Variants in PPFIBP1 observed in about 807,000 individuals in gnomAD.
PPFIBP1 encodes the protein liprin-beta-1.
Under a neutral mutation model 137.8 loss-of-function variants are expected in PPFIBP1, and 112 were observed. That is an observed-to-expected ratio of 0.81 (90% CI 0.70 to 0.95). The LOEUF (loss-of-function observed/expected upper bound fraction) is 0.95, where lower values mean the gene tolerates loss of function less well. Among genes scored for constraint, PPFIBP1 ranks in the 40% least tolerant of loss-of-function variants. The pLI, the probability that PPFIBP1 is intolerant of heterozygous loss-of-function variation, is 0.00. For missense variants in PPFIBP1, 1,083 were observed against 1,196.6 expected (o/e 0.91, Z 1.40); for synonymous variants, 378 against 417.3 (o/e 0.91, Z 1.15).
chr12:27,527,330 C>T (rs578199196), intron 1 of PPFIBP1, among the ~76,000 whole-genome samples: 1 of 151,894 alleles, frequency 6.6e-6, no homozygotes, highest in Admixed American at 6.6e-5. Flanking sequence ...CTCACTGTAG[C>T]CTCTGCCTCC....
intron 1 of PPFIBP1, among the ~76,000 whole-genome samples, chr12:27,556,454 C>G (rs2048711628): frequency 1.3e-5 from 2 of 152,138 alleles, no homozygotes; most frequent in Admixed American, 1.3e-4. Flanking sequence ...AAAAGGCTAA[C>G]TGTTGTGGAC....
At chr12:27,555,425 A>G (rs2048630661) in intron 1 of PPFIBP1, among the ~76,000 whole-genome samples, 1 of 152,150 alleles carries the variant, frequency 6.6e-6, no homozygotes, top group African/African-American at 2.4e-5. Context: ...TAGATTCCTT[A>G]TTCCTTTATT....
At position 27,681,654 on chromosome 12, in the gene PPFIBP1, T is replaced by C; in HGVS notation, c.2004T>C (p.Ser668=). The change falls in exon 22 of 30, where the codon TCT becomes TCC. Residue 668 remains serine, a synonymous_variant. Coordinates refer to ENST00000228425, the MANE Select transcript of PPFIBP1 (RefSeq NM_003622.4). The stretch of plus-strand genomic sequence containing the variant: ...ATTCTGGCAAGCACTGGATTGCATC[T>C]GGCCAAACGCTTTTGCAGGCTTCTC... The part of the protein sequence containing the change: ...YLNSGKHWIA[S]GQTLLQASQQ... The C allele has an allele frequency of 1.2e-6, 2 of 1,614,212 alleles. No homozygotes were observed. Among genetic ancestry groups the C allele is most frequent in the South Asian group, 2.2e-5 (2 of 91,086 alleles).
chr12:27,642,841 C>G (rs929584040), intron 4 of PPFIBP1, among the ~76,000 whole-genome samples: 1 of 151,848 alleles, frequency 6.6e-6, no homozygotes, highest in Admixed American at 6.6e-5. Context: ...AACAGGAAAT[C>G]AAGGTTCCAA....
chr12:27,555,369 T>C (rs1431320784), intron 1 of PPFIBP1, among the ~76,000 whole-genome samples: 4 of 152,240 alleles, frequency 2.6e-5, no homozygotes, highest in Admixed American at 2.6e-4. Flanking sequence ...TTTCTCTAAA[T>C]GTGGCTTTTC....
At chr12:27,595,794 C>T (rs1273626706) in intron 2 of PPFIBP1, among the ~76,000 whole-genome samples, 2 of 151,062 alleles carry the variant, frequency 1.3e-5, no homozygotes, top group Non-Finnish European at 2.9e-5. Flanking sequence ...GCAGAGGTTG[C>T]GGTGAGCGGA....
chr12:27,661,550 A>C (rs2059552032), intron 11 of PPFIBP1, among the ~76,000 whole-genome samples: 1 of 152,234 alleles, frequency 6.6e-6, no homozygotes, highest in Non-Finnish European at 1.5e-5. Flanking sequence ...CAGTTACTGC[A>C]CGAAAGTAAT....
intron 12 of PPFIBP1, 41 bp downstream of exon 12, chr12:27,664,487 C>CT (rs2059738548): frequency 7.3e-7 from 1 of 1,361,846 alleles, no homozygotes; most frequent in Admixed American, 1.7e-5. Flanking sequence ...TTGGTTGACT[C>CT]TAAGTGGCTA....
At chr12:27,592,809 T>C (rs2052681728) in intron 2 of PPFIBP1, 3 of 665,580 alleles carry the variant, frequency 4.5e-6, no homozygotes, top group Middle Eastern at 3.9e-4. Flanking sequence ...CAAGTCAACA[T>C]TTACTCATTT....
chr12:27,632,869 G>C (rs2057358743), intron 2 of PPFIBP1, among the ~76,000 whole-genome samples: 2 of 152,200 alleles, frequency 1.3e-5, no homozygotes, highest in Admixed American at 6.5e-5. Context: ...GTGTGTTTGT[G>C]TGTGTGTGCA....
chr12:27,609,364 C>T (rs1462276028), intron 2 of PPFIBP1, among the ~76,000 whole-genome samples: 1 of 152,196 alleles, frequency 6.6e-6, no homozygotes, highest in Non-Finnish European at 1.5e-5. Flanking sequence ...GTACCACAGG[C>T]TGGCCTCATC....
At chr12:27,659,580 C>T (rs1266517528) in intron 10 of PPFIBP1, among the ~76,000 whole-genome samples, 1 of 151,652 alleles carries the variant, frequency 6.6e-6, no homozygotes, top group Non-Finnish European at 1.5e-5. Flanking sequence ...TATGATCTTG[C>T]CATTGTAGAG....
At chr12:27,557,238 A>ATTT (rs4035629) in intron 1 of PPFIBP1, among the ~76,000 whole-genome samples, 29 of 142,088 alleles carry the variant, frequency 2.0e-4, no homozygotes, top group African/African-American at 4.2e-4. Flanking sequence ...CATGGTAACA[A>ATTT]TTTTTTTTTT....
intron 10 of PPFIBP1, among the ~76,000 whole-genome samples, chr12:27,659,447 C>T (rs79579444): frequency 6.6e-6 from 1 of 150,724 alleles, no homozygotes; most frequent in African/African-American, 2.4e-5. Flanking sequence ...CCTGTCTCTA[C>T]AAAAAAAAAT....
intron 1 of PPFIBP1, among the ~76,000 whole-genome samples, chr12:27,566,038 G>A (rs988404337): frequency 2.0e-5 from 3 of 151,976 alleles, no homozygotes; most frequent in African/African-American, 7.3e-5. Context: ...TCATTAATAT[G>A]CTTCTCCTAA....
At chr12:27,592,854 A>G (rs2137348422) in intron 2 of PPFIBP1, 1 of 557,670 alleles carries the variant, frequency 1.8e-6, no homozygotes, top group East Asian at 3.1e-5. Flanking sequence ...AAATAGCCCA[A>G]GTAGGCTGGG....
chr12:27,572,328 A>G (rs1279039478), intron 1 of PPFIBP1, among the ~76,000 whole-genome samples: 1 of 152,118 alleles, frequency 6.6e-6, no homozygotes, highest in East Asian at 1.9e-4. Flanking sequence ...ACAGCATATT[A>G]CTCTACATAT....
At chr12:27,550,568 G>A (rs1490489027) in intron 1 of PPFIBP1, among the ~76,000 whole-genome samples, 2 of 152,168 alleles carry the variant, frequency 1.3e-5, no homozygotes, top group Non-Finnish European at 2.9e-5. Flanking sequence ...AACTCAGAGA[G>A]AGGTAGGTAA....
chr12:27,530,035 ATTTAC>A (rs1592269936), intron 1 of PPFIBP1, among the ~76,000 whole-genome samples: 2 of 152,308 alleles, frequency 1.3e-5, no homozygotes, highest in South Asian at 4.1e-4. Flanking sequence ...AGTTTATTGT[ATTTAC>A]TTTATTTAGA....
Sources: gnomAD v4.1 joint callset for allele counts (sites outside exome capture counted in the v4.1 genomes callset) on GRCh38, gnomAD v4.1.1 for gene constraint, MANE v1.5 for transcripts, NCBI Gene and HGNC (gene_info 2026-07-23, HGNC 2026-07-21) for gene names.